Variants in UGGT2 observed in about 807,000 individuals in gnomAD.
UGGT2 encodes UDP-glucose:glycoprotein glucosyltransferase 2.
UGGT2 carries 180 observed loss-of-function variants against 192.1 expected under a neutral mutation model. The observed-to-expected ratio is 0.94, with a 90% CI of 0.83 to 1.06. The LOEUF is 1.06. Among genes scored for constraint, UGGT2 ranks in the 50% least tolerant of loss-of-function variants. UGGT2 has a pLI of 0.00. For missense variants in UGGT2, 1,849 were observed against 1,795.7 expected (o/e 1.03, Z -0.54); for synonymous variants, 580 against 591.0 (o/e 0.98, Z 0.27).
chr13:95,889,049 A>C (rs1048183331), intron 25 of UGGT2, among the ~76,000 whole-genome samples: 14 of 151,996 alleles, frequency 9.2e-5, no homozygotes, highest in African/African-American at 3.1e-4. Context: ...TGAATTTCTC[A>C]AGTGATCTTC....
rs558149541 is a variant in UGGT2 at position 95,835,152 on chromosome 13, G to A, written c.4401+1934C>T. Among the ~76,000 whole-genome samples, 8 of 152,236 alleles carry A rather than the reference G, an allele frequency of 5.3e-5. 1 individual carries two copies. The highest frequency in any genetic ancestry group is 5.2e-4 in the Admixed American group (8 of 15,286). On this transcript the variant is annotated intron_variant, in intron 37 of 38. Transcript: ENST00000376747. ...ATACCTTACAGCACATCTCAATTCA[G>A]AATAGCAACATGTTAAGGGCTCAAC...
intron 4 of UGGT2, among the ~76,000 whole-genome samples, chr13:96,015,634 G>A (rs1331325473): frequency 6.6e-6 from 1 of 152,188 alleles, no homozygotes; most frequent in Non-Finnish European, 1.5e-5. Context: ...AGGTGTTAAA[G>A]AGAATTAATA....
At position 96,013,317 on chromosome 13, in the gene UGGT2, T is replaced by C; in HGVS notation, c.650A>G (p.His217Arg). 3.1e-6 allele frequency: 5 copies of C among 1,591,436 alleles called. No homozygotes were observed. Among genetic ancestry groups the C allele is most frequent in the South Asian group, 1.2e-5 (1 of 84,822 alleles). ...AAAACAAGCGCATACCTGAATATAA[T>C]GGCGAAGAACATACAGAATTTCCTC... ...QNEEILYVLRHYIQKPSSRKM... is the reference protein window; with the variant it reads ...QNEEILYVLRRYIQKPSSRKM... The change falls in exon 5 of 39, where the codon CAT becomes CGT. Residue 217 changes from histidine (H) to arginine (R), a missense_variant. By Grantham distance (29) the His-to-Arg change is conservative. Transcript: ENST00000376747.
chr13:95,938,452 AGAT>A (rs2049542624), intron 16 of UGGT2, among the ~76,000 whole-genome samples: 1 of 152,220 alleles, frequency 6.6e-6, no homozygotes, highest in Non-Finnish European at 1.5e-5. Flanking sequence ...TCAATTTTAC[AGAT>A]GATAAAACAG....
chr13:95,891,097 C>A, intron 24 of UGGT2, 133 bp from the exon 25 acceptor site: 1 of 572,826 alleles, frequency 1.7e-6, no homozygotes, highest in Non-Finnish European at 2.9e-6. Flanking sequence ...TTATTTCACA[C>A]AATGCTTGCA....
intron 12 of UGGT2, among the ~76,000 whole-genome samples, chr13:95,967,604 G>A (rs577517666): frequency 6.6e-6 from 1 of 151,178 alleles, no homozygotes; most frequent in African/African-American, 2.4e-5. Flanking sequence ...CTCCCAAGTA[G>A]CTGGGACTAC....
intron 1 of UGGT2, among the ~76,000 whole-genome samples, chr13:96,049,701 C>T (rs1369754956): frequency 6.6e-6 from 1 of 151,964 alleles, no homozygotes; most frequent in African/African-American, 2.4e-5. Flanking sequence ...AAACAGAGGG[C>T]CAAATCATGA....
chr13:95,854,315 C>T lies in UGGT2; in HGVS notation c.4169G>A (p.Ser1390Asn), dbSNP rs780546208. Residue 1390 changes from serine (S) to asparagine (N), a missense_variant and splice_region_variant, in exon 35 of 39, where the codon AGT becomes AAT. By Grantham distance (46) the Ser-to-Asn change is conservative (BLOSUM62 1). Transcript: ENST00000376747. ...SHLLRRKYHI[S>N]ALYVVDLKKF... ...ATGGTAAGGGTCTGACTTTTCTTAC[C>T]TGATATGGTATTTCCGTCTTAAAAG... 1 of 1,609,180 alleles carries T rather than the reference C, an allele frequency of 6.2e-7. No homozygotes were observed. Among genetic ancestry groups the T allele is most frequent in the African/African-American group, 1.3e-5 (1 of 74,770 alleles).
intron 20 of UGGT2, among the ~76,000 whole-genome samples, chr13:95,908,198 A>G (rs2048354987): frequency 6.6e-6 from 1 of 152,200 alleles, no homozygotes; most frequent in Admixed American, 6.5e-5. Context: ...AAGCTTAGAG[A>G]AAAAAGACTA....
intron 12 of UGGT2, among the ~76,000 whole-genome samples, chr13:95,967,125 T>A (rs1340902777): frequency 1.3e-5 from 2 of 152,094 alleles, no homozygotes; most frequent in Non-Finnish European, 2.9e-5. Context: ...AGACAAACTA[T>A]GTATCGTTAT....
chr13:95,987,398 G>C (rs2051322408), intron 8 of UGGT2, among the ~76,000 whole-genome samples: 1 of 152,072 alleles, frequency 6.6e-6, no homozygotes, highest in Admixed American at 6.6e-5. Context: ...GAGTCAACTA[G>C]AACTAAGCTG....
intron 20 of UGGT2, among the ~76,000 whole-genome samples, chr13:95,908,282 C>T (rs1182478501): frequency 6.6e-6 from 1 of 152,274 alleles, no homozygotes; most frequent in African/African-American, 2.4e-5. Flanking sequence ...ACTGGTGTAC[C>T]TGAAAGTGAT....
At chr13:95,838,534 C>A (rs898740400) in intron 36 of UGGT2, among the ~76,000 whole-genome samples, 1 of 152,088 alleles carries the variant, frequency 6.6e-6, no homozygotes, top group East Asian at 1.9e-4. Flanking sequence ...CACTACCACA[C>A]TTGAAGTCTT....
At chr13:95,978,079 C>T (rs913419176) in intron 10 of UGGT2, among the ~76,000 whole-genome samples, 1 of 151,946 alleles carries the variant, frequency 6.6e-6, no homozygotes, top group African/African-American at 2.4e-5. Context: ...GTATGCAGGG[C>T]TCAAAACCTA....
At chr13:96,012,365 A>G (rs2052189349) in intron 5 of UGGT2, among the ~76,000 whole-genome samples, 1 of 152,076 alleles carries the variant, frequency 6.6e-6, no homozygotes, top group African/African-American at 2.4e-5. Context: ...GCATAAAGGA[A>G]ATCGTTCAGG....
At chr13:96,020,218 C>A (rs1355254885) in intron 4 of UGGT2, among the ~76,000 whole-genome samples, 1 of 152,184 alleles carries the variant, frequency 6.6e-6, no homozygotes, top group Non-Finnish European at 1.5e-5. Flanking sequence ...GGTAGAGTCA[C>A]AAGGCCTCCA....
At chr13:95,983,679 A>T in intron 10 of UGGT2, 125 bp downstream of exon 10, 3 of 754,932 alleles carry the variant, frequency 4.0e-6, no homozygotes, top group Non-Finnish European at 6.6e-6. Flanking sequence ...AGAAGAACCC[A>T]GACTGTTTTA....
rs918068256 is a variant in UGGT2 at position 95,803,486 on chromosome 13, C to A, written c.4529-1674G>T. 2.0e-5 allele frequency among the ~76,000 whole-genome samples: 3 copies of A among 151,970 alleles called. No homozygotes were observed. In the East Asian group the frequency reaches 5.9e-4, roughly 30 times the overall value. On this transcript the variant is annotated intron_variant, in intron 38 of 38. Coordinates refer to ENST00000376747, the MANE Select transcript of UGGT2 (RefSeq NM_020121.4). ...TGTTGGTCAGGCTGGTCTCGAACTC[C>A]CGACCTCAGGTGATCCACCCGCCTT... is the stretch of plus-strand genomic sequence containing the variant.
chr13:95,843,554 C>T (rs1594125137), intron 36 of UGGT2, among the ~76,000 whole-genome samples: 1 of 152,234 alleles, frequency 6.6e-6, no homozygotes, highest in Non-Finnish European at 1.5e-5. Context: ...CTCTGCTTAA[C>T]TCAAGATCAC....
Sources: allele counts gnomAD v4.1 joint callset (sites outside exome capture counted in the v4.1 genomes callset), GRCh38; gene constraint gnomAD v4.1.1; transcripts MANE v1.5; gene names NCBI Gene and HGNC (gene_info 2026-07-23, HGNC 2026-07-21).